The following CCDC85A variants were observed in gnomAD, a reference collection of about 807,000 sequenced individuals.
CCDC85A encodes the protein coiled-coil domain-containing protein 85A.
CCDC85A carries 38 observed loss-of-function variants against 50.2 expected under a neutral mutation model. The observed-to-expected ratio is 0.76, with a 90% CI of 0.58 to 0.99. CCDC85A has a LOEUF of 0.99. Ranked by LOEUF, CCDC85A falls within the 50% of genes least tolerant of loss-of-function variation. The pLI is 0.00. For synonymous variants in CCDC85A, 366 were observed against 301.4 expected (o/e 1.21, Z -2.22); for missense variants, 820 against 742.0 (o/e 1.11, Z -1.22).
chr2:56,267,107 C>G (rs1284621611), intron 2 of CCDC85A, among the ~76,000 whole-genome samples: 1 of 151,822 alleles, frequency 6.6e-6, no homozygotes, highest in Non-Finnish European at 1.5e-5. Flanking sequence ...TGTTCTTGGG[C>G]TTGGTTTGTG....
At chr2:56,250,851 G>A (rs11125618) in intron 2 of CCDC85A, among the ~76,000 whole-genome samples, 86,085 of 151,990 alleles carry the variant, frequency 0.57, 24,868 homozygotes, top group African/African-American at 0.67. Context: ...GAAAGACTTT[G>A]GATACAGTTG....
chr2:56,270,536 C>T (rs1049534308), intron 2 of CCDC85A, among the ~76,000 whole-genome samples: 2 of 152,262 alleles, frequency 1.3e-5, no homozygotes, highest in South Asian at 2.1e-4. Flanking sequence ...TAAATTACTG[C>T]GTACCCCTGA....
chr2:56,272,186 A>G (rs1167219510), intron 2 of CCDC85A, among the ~76,000 whole-genome samples: 1 of 152,210 alleles, frequency 6.6e-6, no homozygotes, highest in African/African-American at 2.4e-5. Flanking sequence ...CCTAAGGTTA[A>G]AGAATATGGG....
Position 56,375,942 on chromosome 2 carries a change from A to C in CCDC85A, c.1572+7A>C. ...TGTGGTACATTCTCTTAAGGTAACC[A>C]ATCGTGTGCAACCATTTATCCAGAG... On this transcript the variant is annotated splice_region_variant and intron_variant, in intron 5 of 5. Transcript: ENST00000407595. 6.2e-7 allele frequency: 1 copy of C among 1,611,360 alleles called. No individual in the cohort carries two copies. Among genetic ancestry groups the C allele is most frequent in the East Asian group, 2.2e-5 (1 of 44,814 alleles).
intron 2 of CCDC85A, among the ~76,000 whole-genome samples, chr2:56,330,483 G>A (rs1038267026): frequency 7.2e-5 from 11 of 152,120 alleles, no homozygotes; most frequent in African/African-American, 2.4e-5. Flanking sequence ...GTAGCATCTG[G>A]GAACAGAATG....
intron 2 of CCDC85A, among the ~76,000 whole-genome samples, chr2:56,301,125 C>CT (rs1169829960): frequency 2.6e-5 from 4 of 152,076 alleles, no homozygotes; most frequent in Non-Finnish European, 5.9e-5. Flanking sequence ...GTTTTGGATG[C>CT]TTTTTTTCTT....
In CCDC85A at chr2:56,265,687, G is replaced by A. The variant is rs567586778; in HGVS notation, c.1240+72247G>A. Among the ~76,000 whole-genome samples the A allele has an allele frequency of 3.9e-5, 6 of 152,228 alleles. No individual in the cohort carries two copies. The South Asian group carries it at 6.2e-4, about 16-fold the overall frequency. ...GTGGAGAAAAGAAAGCCTTGCACAC[G>A]GTTGGTGGTATTGTAAATTAGTACA... On this transcript the variant is annotated intron_variant, in intron 2 of 5. Transcript: ENST00000407595.
intron 2 of CCDC85A, among the ~76,000 whole-genome samples, chr2:56,252,371 A>G (rs1224228701): frequency 6.6e-6 from 1 of 152,082 alleles, no homozygotes; most frequent in African/African-American, 2.4e-5. Flanking sequence ...TAAGTACTTA[A>G]CTAGGCCAGG....
intron 1 of CCDC85A, among the ~76,000 whole-genome samples, chr2:56,188,185 C>T (rs1248697744): frequency 1.3e-5 from 2 of 152,070 alleles, no homozygotes; most frequent in African/African-American, 4.8e-5. Context: ...AAAGAAAGCC[C>T]AAGTCTTAGT....
intron 2 of CCDC85A, among the ~76,000 whole-genome samples, chr2:56,219,602 A>G (rs112610775): frequency 2.0e-5 from 3 of 151,624 alleles, no homozygotes. Flanking sequence ...CCTCCTTCCC[A>G]CTTGCTTTGC....
intron 2 of CCDC85A, among the ~76,000 whole-genome samples, chr2:56,308,123 G>T (rs1165568628): frequency 6.6e-6 from 1 of 152,092 alleles, no homozygotes. Flanking sequence ...ATCATTTCAG[G>T]CAACTCTTGA....
chr2:56,245,755 T>G, intron 2 of CCDC85A, among the ~76,000 whole-genome samples: 1 of 152,166 alleles, frequency 6.6e-6, no homozygotes, highest in Non-Finnish European at 1.5e-5. Flanking sequence ...GTGAGACCTC[T>G]TAATAGCCAT....
chr2:56,197,035 T>A (rs1676553514), intron 2 of CCDC85A, among the ~76,000 whole-genome samples: 1 of 152,196 alleles, frequency 6.6e-6, no homozygotes, highest in African/African-American at 2.4e-5. Context: ...ATCATTCACC[T>A]GCATTAAACA....
chr2:56,376,431 C>G (rs1337856993), intron 5 of CCDC85A, among the ~76,000 whole-genome samples: 1 of 152,146 alleles, frequency 6.6e-6, no homozygotes, highest in South Asian at 2.1e-4. Context: ...GGTTCTCAAA[C>G]TCCAGTTAAT....
chr2:56,330,281 C>T (rs972247296), intron 2 of CCDC85A, among the ~76,000 whole-genome samples: 3 of 152,082 alleles, frequency 2.0e-5, no homozygotes, highest in African/African-American at 7.2e-5. Flanking sequence ...TTATTGCCAC[C>T]TTCCTGGTAC....
intron 2 of CCDC85A, among the ~76,000 whole-genome samples, chr2:56,197,509 G>T (rs1676575068): frequency 6.6e-6 from 1 of 152,194 alleles, no homozygotes; most frequent in Admixed American, 6.5e-5. Flanking sequence ...ACTGCACTCT[G>T]AGATGCAAAT....
intron 2 of CCDC85A, among the ~76,000 whole-genome samples, chr2:56,320,638 G>T (rs1369853530): frequency 6.6e-6 from 1 of 152,086 alleles, no homozygotes. Context: ...TGAAATTGAG[G>T]CAATAATTAA....
intron 2 of CCDC85A, among the ~76,000 whole-genome samples, chr2:56,215,146 T>C (rs551663690): frequency 6.6e-6 from 1 of 152,064 alleles, no homozygotes; most frequent in Non-Finnish European, 1.5e-5. Flanking sequence ...AAATGATACT[T>C]TTTCTTACAT....
intron 2 of CCDC85A, among the ~76,000 whole-genome samples, chr2:56,207,649 C>A (rs963596624): frequency 6.6e-6 from 1 of 152,126 alleles, no homozygotes; most frequent in Admixed American, 6.5e-5. Context: ...GAGACAGATA[C>A]GTAAATTGGT....
Sources: allele counts gnomAD v4.1 joint callset (sites outside exome capture counted in the v4.1 genomes callset), GRCh38; gene constraint gnomAD v4.1.1; transcripts MANE v1.5; gene names NCBI Gene and HGNC (gene_info 2026-07-23, HGNC 2026-07-21).